The following MSI2 variants were observed in gnomAD, a reference collection of about 807,000 sequenced individuals.
The protein encoded by MSI2 is RNA-binding protein Musashi homolog 2.
A neutral mutation model predicts 45.6 loss-of-function variants in MSI2; 17 were observed. The ratio of observed to expected loss-of-function variants is 0.37; its 90% CI spans 0.26 to 0.56. The LOEUF (loss-of-function observed/expected upper bound fraction) is 0.56. Ranked by LOEUF, MSI2 falls within the 20% of genes least tolerant of loss-of-function variation. The probability of loss-of-function intolerance (pLI) is 0.77; values close to 1 mark genes in which losing one functional copy is unlikely to be tolerated. For synonymous variants in MSI2, 156 were observed against 158.2 expected (o/e 0.99, Z 0.11); for missense variants, 293 against 444.2 (o/e 0.66, Z 3.06).
At chr17:57,352,448 C>T (rs888079146) in intron 5 of MSI2, among the ~76,000 whole-genome samples, 3 of 152,060 alleles carry the variant, frequency 2.0e-5, no homozygotes, top group Non-Finnish European at 2.9e-5. Context: ...AAGACCTTGG[C>T]GGAAAAGAGA....
chr17:57,284,057 T>C (rs1721982915), intron 5 of MSI2, among the ~76,000 whole-genome samples: 1 of 152,222 alleles, frequency 6.6e-6, no homozygotes, highest in South Asian at 2.1e-4. Context: ...AGCCCATTGC[T>C]CTGATTTTCT....
At chr17:57,286,720 C>T (rs1046886996) in intron 5 of MSI2, among the ~76,000 whole-genome samples, 2 of 152,104 alleles carry the variant, frequency 1.3e-5, no homozygotes, top group South Asian at 2.1e-4. Context: ...CTGTGAGCCT[C>T]GACTTAATTT....
At chr17:57,669,689 C>T (rs1912635437) in intron 11 of MSI2, among the ~76,000 whole-genome samples, 1 of 152,230 alleles carries the variant, frequency 6.6e-6, no homozygotes, top group Non-Finnish European at 1.5e-5. Context: ...GATTATCACA[C>T]AGGCTATGAC....
chr17:57,659,376 G>A (rs1251717686), intron 11 of MSI2, among the ~76,000 whole-genome samples: 1 of 152,126 alleles, frequency 6.6e-6, no homozygotes, highest in East Asian at 1.9e-4. Context: ...AATTACAGGT[G>A]TGAGCCACTG....
At chr17:57,410,293 C>T (rs1012138014) in intron 6 of MSI2, among the ~76,000 whole-genome samples, 1 of 151,516 alleles carries the variant, frequency 6.6e-6, no homozygotes, top group Non-Finnish European at 1.5e-5. Flanking sequence ...TTAAATACTC[C>T]TTCCTGCGTG....
In MSI2 at chr17:57,627,050, G is replaced by A. The variant is rs1908872251; in HGVS notation, c.653-179G>A. On this transcript the variant is annotated intron_variant, in intron 9 of 13. Coordinates refer to ENST00000284073, the MANE Select transcript of MSI2 (RefSeq NM_138962.4). This position sits in a 1 kb window ranked among gnomAD's most constrained non-coding sequence, Gnocchi z 4.6. Reference sequence around the variant, plus strand: ...TTAATTAGCAACAGCTGACAGCAGCGCCCCCGGCCACAGGAGAGAGGTGAC... The same window carrying A: ...TTAATTAGCAACAGCTGACAGCAGCACCCCCGGCCACAGGAGAGAGGTGAC... 14 of 625,126 alleles carry A rather than the reference G, an allele frequency of 2.2e-5. No individual in the cohort carries two copies. Among genetic ancestry groups the A allele is most frequent in the South Asian group, 2.0e-4 (10 of 50,854 alleles). 38.7% of individuals were successfully genotyped at this position (625,126 alleles called of 1,614,324 possible). A position where few individuals can be genotyped will look rare whatever the true frequency, so the allele number is the denominator to read the frequency against.
chr17:57,475,409 G>A (rs2085518825), intron 6 of MSI2, among the ~76,000 whole-genome samples: 1 of 152,118 alleles, frequency 6.6e-6, no homozygotes, highest in African/African-American at 2.4e-5. Context: ...AGCCCAAGTG[G>A]CATCTTTGGG....
chr17:57,662,785 G>C (rs1054136418), intron 11 of MSI2, among the ~76,000 whole-genome samples: 5 of 152,254 alleles, frequency 3.3e-5, no homozygotes, highest in African/African-American at 1.2e-4. Context: ...AGTATTTTTT[G>C]CACCTGCTCC....
intron 6 of MSI2, among the ~76,000 whole-genome samples, chr17:57,437,230 G>T (rs141766789): frequency 6.6e-6 from 1 of 152,040 alleles, no homozygotes; most frequent in South Asian, 2.1e-4. Context: ...TCATTTCTTC[G>T]TCTATTTTTA....
chr17:57,358,923 A>G (rs1275652373), intron 5 of MSI2, among the ~76,000 whole-genome samples: 2 of 152,146 alleles, frequency 1.3e-5, no homozygotes, highest in East Asian at 1.9e-4. Flanking sequence ...GATTGGTTTT[A>G]TAGAGGGCTG....
In MSI2 at chr17:57,575,021, G is replaced by A. The variant is rs554067167; in HGVS notation, c.455-21847G>A. ...AATTTTTTGTGTTTTTAGTAGAGAT[G>A]GGGTTTCACTGTGTTAGCCAGGATG... On this transcript the variant is annotated intron_variant, in intron 7 of 13. Coordinates refer to ENST00000284073, the MANE Select transcript of MSI2 (RefSeq NM_138962.4). Among the ~76,000 whole-genome samples the A allele has an allele frequency of 1.7e-4, 26 of 152,060 alleles. No homozygotes were observed. The East Asian group carries it at 2.7e-3, about 16-fold the overall frequency.
intron 11 of MSI2, among the ~76,000 whole-genome samples, chr17:57,659,236 G>T (rs747632421): frequency 2.6e-5 from 4 of 151,522 alleles, no homozygotes; most frequent in Admixed American, 6.6e-5. Context: ...TGGTTTTTTT[G>T]TGTGTTTTTT....
At chr17:57,654,829 G>T (rs75542725) in intron 11 of MSI2, among the ~76,000 whole-genome samples, 2,022 of 152,100 alleles carry the variant, frequency 0.013, 22 homozygotes, top group Non-Finnish European at 0.02. Flanking sequence ...CTCCCCAGGG[G>T]CTCTCAGGCT....
At chr17:57,669,143 C>T (rs920203442) in intron 11 of MSI2, among the ~76,000 whole-genome samples, 1 of 152,240 alleles carries the variant, frequency 6.6e-6, no homozygotes, top group Non-Finnish European at 1.5e-5. Context: ...TTTGTCTTTT[C>T]ATGCTGACCT....
chr17:57,698,892 AGTGTGTGTGTGTGTGTGTGTGTGTGTGT>A, the MSI2 span, among the ~76,000 whole-genome samples: 2 of 118,612 alleles, frequency 1.7e-5, no homozygotes, highest in Non-Finnish European at 1.7e-5. Context: ...GATACAAGGA[AGTGTGTGTGTGTGTGTGTGTGTGTGTGT>A]GTGTGTGTGT....
chr17:57,639,504 C>A (rs542165186), intron 10 of MSI2, among the ~76,000 whole-genome samples: 1 of 152,264 alleles, frequency 6.6e-6, no homozygotes, highest in Non-Finnish European at 1.5e-5. Context: ...GCTGACCCCA[C>A]CTGTGCCATA....
chr17:57,673,869 G>C (rs1330855270), intron 11 of MSI2, among the ~76,000 whole-genome samples: 1 of 152,108 alleles, frequency 6.6e-6, no homozygotes, highest in African/African-American at 2.4e-5. Context: ...ATAACCAAGA[G>C]AAAGCAGGTG....
At chr17:57,255,932 A>C (rs1906671509), upstream of MSI2, 1 of 151,434 alleles carries the variant, frequency 6.6e-6, no homozygotes, top group Non-Finnish European at 1.5e-5. Context: ...GCCATCCTGA[A>C]GCCCCCCGAT....
chr17:57,257,230 G>T, intron 2 of MSI2, 92 bp downstream of exon 2: 1 of 280,010 alleles, frequency 3.6e-6, no homozygotes, highest in Non-Finnish European at 5.4e-6. Context: ...CCCCCCCCCC[G>T]CCATTGGCTC....
Sources: gnomAD v4.1 joint callset for allele counts (sites outside exome capture counted in the v4.1 genomes callset) on GRCh38, gnomAD v4.1.1 for gene constraint, Gnocchi (gnomAD v3.1) non-coding constraint, MANE v1.5 for transcripts, NCBI Gene and HGNC (gene_info 2026-07-23, HGNC 2026-07-21) for gene names.